Variants in RUNX2 observed in about 807,000 individuals in gnomAD.
RUNX2 encodes RUNX family transcription factor 2, also known as runt-related transcription factor 2.
In RUNX2, 10 loss-of-function variants were observed where a neutral mutation model predicts 51.7. The ratio of observed to expected loss-of-function variants is 0.19; its 90% CI spans 0.12 to 0.33. The LOEUF is 0.33. Among genes scored for constraint, RUNX2 ranks in the 10% least tolerant of loss-of-function variants. RUNX2 has a pLI of 1.00. For missense variants in RUNX2, 562 were observed against 691.3 expected (o/e 0.81, Z 2.10); for synonymous variants, 276 against 273.6 (o/e 1.01, Z -0.09).
intron 2 of RUNX2, among the ~76,000 whole-genome samples, chr6:45,415,407 G>C (rs1204985198): frequency 6.6e-6 from 1 of 152,170 alleles, no homozygotes; most frequent in African/African-American, 2.4e-5. Context: ...TTGGCTCCCT[G>C]GGTGGCAGAG....
At chr6:45,336,000 G>T (rs1393396679) in intron 2 of RUNX2, among the ~76,000 whole-genome samples, 1 of 151,168 alleles carries the variant, frequency 6.6e-6, no homozygotes, top group African/African-American at 2.4e-5. Flanking sequence ...TATTTCTAAA[G>T]AAATGGAAAT....
At chr6:45,546,062 A>G (rs937484390) in intron 8 of RUNX2, among the ~76,000 whole-genome samples, 1 of 152,154 alleles carries the variant, frequency 6.6e-6, no homozygotes, top group Non-Finnish European at 1.5e-5. Flanking sequence ...AGCCTCTCGC[A>G]AAAGCTACTG....
At position 45,495,056 on chromosome 6, in the gene RUNX2, G is replaced by T. The variant is rs921682252; in HGVS notation, c.859+2942G>T. Among the ~76,000 whole-genome samples the T allele has an allele frequency of 2.6e-5, 4 of 152,154 alleles. No homozygotes were observed. In the South Asian group the frequency reaches 8.3e-4, roughly 31 times the overall value. The stretch of plus-strand genomic sequence containing the variant: ...TGACAAGATTCCACCCATCCTCCAA[G>T]GCCACTGTGTTATCTTCTTCAGGAA... On this transcript the variant is annotated intron_variant, in intron 6 of 8. Coordinates refer to ENST00000647337, the MANE Select transcript of RUNX2 (RefSeq NM_001024630.4).
chr6:45,515,230 T>C (rs987892504), intron 7 of RUNX2, among the ~76,000 whole-genome samples: 1 of 152,208 alleles, frequency 6.6e-6, no homozygotes, highest in African/African-American at 2.4e-5. Context: ...ATAAAATTCT[T>C]CACTTCACAG....
At chr6:45,439,500 A>G (rs1395493990) in intron 5 of RUNX2, among the ~76,000 whole-genome samples, 1 of 152,194 alleles carries the variant, frequency 6.6e-6, no homozygotes, top group African/African-American at 2.4e-5. Context: ...TGGTCAGACT[A>G]GCCCCGGAAT....
chr6:45,475,406 A>G (rs1411442608), intron 5 of RUNX2, among the ~76,000 whole-genome samples: 1 of 152,220 alleles, frequency 6.6e-6, no homozygotes, highest in Non-Finnish European at 1.5e-5. Flanking sequence ...GATGACTTTT[A>G]GGAGACTAAC....
chr6:45,378,935 C>G (rs1272342430), intron 2 of RUNX2, among the ~76,000 whole-genome samples: 3 of 152,178 alleles, frequency 2.0e-5, no homozygotes, highest in Non-Finnish European at 2.9e-5. Flanking sequence ...TTGTCAAATA[C>G]TATAAAATAC....
At chr6:45,422,302 T>G in intron 2 of RUNX2, 1 of 359,612 alleles carries the variant, frequency 2.8e-6, no homozygotes, top group Middle Eastern at 7.6e-4. Context: ...CGTTCGCAGC[T>G]GCCACCCCGG....
intron 2 of RUNX2, among the ~76,000 whole-genome samples, chr6:45,405,220 A>C (rs1206593082): frequency 6.6e-6 from 1 of 152,244 alleles, no homozygotes; most frequent in Admixed American, 6.5e-5. Flanking sequence ...ATTAAGTGTG[A>C]ACTATTATTC....
At chr6:45,357,597 G>A (rs1793480182) in intron 2 of RUNX2, among the ~76,000 whole-genome samples, 1 of 151,960 alleles carries the variant, frequency 6.6e-6, no homozygotes, top group Non-Finnish European at 1.5e-5. Context: ...AAAAGTGCTG[G>A]GATTACAGAC....
At chr6:45,420,889 T>C (rs557371218) in intron 2 of RUNX2, among the ~76,000 whole-genome samples, 1 of 152,046 alleles carries the variant, frequency 6.6e-6, no homozygotes, top group South Asian at 2.1e-4. Context: ...TTAGCCAGAG[T>C]CGTGTCTATA....
At chr6:45,439,651 T>C (rs543163005) in intron 5 of RUNX2, among the ~76,000 whole-genome samples, 5 of 152,116 alleles carry the variant, frequency 3.3e-5, no homozygotes, top group African/African-American at 4.8e-5. Context: ...GAAAAACCAT[T>C]TGCGTGTGTT....
chr6:45,344,651 C>G (rs1164686706), intron 2 of RUNX2, among the ~76,000 whole-genome samples: 1 of 152,034 alleles, frequency 6.6e-6, no homozygotes, highest in African/African-American at 2.4e-5. Context: ...TCAGGAATGT[C>G]AAAAGCATGT....
chr6:45,521,971 G>A (rs1037194350), intron 7 of RUNX2, among the ~76,000 whole-genome samples: 3 of 151,934 alleles, frequency 2.0e-5, no homozygotes, highest in Admixed American at 1.3e-4. Context: ...CTGTTTTTTT[G>A]TAGATCCAAA....
chr6:45,535,484 G>C (rs1433267759), intron 7 of RUNX2, among the ~76,000 whole-genome samples: 1 of 151,904 alleles, frequency 6.6e-6, no homozygotes, highest in Non-Finnish European at 1.5e-5. Flanking sequence ...GGTGCCTGTA[G>C]TCCCAGCTAC....
chr6:45,491,861 T>G (rs2150407473), intron 5 of RUNX2, 80 bp from the exon 6 acceptor site: 2 of 1,413,478 alleles, frequency 1.4e-6, no homozygotes, highest in East Asian at 4.6e-5. Flanking sequence ...ACTCCCAGTT[T>G]GTATGTTCAC....
intron 6 of RUNX2, among the ~76,000 whole-genome samples, chr6:45,498,962 T>G (rs1800725044): frequency 6.6e-6 from 1 of 152,128 alleles, no homozygotes; most frequent in African/African-American, 2.4e-5. Flanking sequence ...TGGGGTGATG[T>G]TGGCTGTGAG....
At chr6:45,532,853 G>C (rs1011977014) in intron 7 of RUNX2, among the ~76,000 whole-genome samples, 2 of 151,572 alleles carry the variant, frequency 1.3e-5, no homozygotes, top group Non-Finnish European at 1.5e-5. Flanking sequence ...AGCTACTACT[G>C]GACTACTGTG....
intron 2 of RUNX2, among the ~76,000 whole-genome samples, chr6:45,393,892 G>A (rs549724466): frequency 6.6e-6 from 1 of 151,746 alleles, no homozygotes; most frequent in East Asian, 1.9e-4. Context: ...GTGACAGCAG[G>A]AGTAGGGTTG....
Sources: allele counts gnomAD v4.1 joint callset (sites outside exome capture counted in the v4.1 genomes callset), GRCh38; gene constraint gnomAD v4.1.1; transcripts MANE v1.5; gene names NCBI Gene and HGNC (gene_info 2026-07-23, HGNC 2026-07-21).